CACNA1I: variants seen among roughly 807,000 people sequenced by gnomAD.
The protein encoded by CACNA1I is voltage-dependent T-type calcium channel subunit alpha-1I.
CACNA1I carries 74 observed loss-of-function variants against 201.6 expected under a neutral mutation model. The ratio of observed to expected loss-of-function variants is 0.37; its 90% CI spans 0.30 to 0.45. CACNA1I has a LOEUF of 0.45. Ranked by LOEUF, CACNA1I falls within the 20% of genes least tolerant of loss-of-function variation. The probability of loss-of-function intolerance (pLI) is 1.00; values close to 1 mark genes in which losing one functional copy is unlikely to be tolerated. For synonymous variants in CACNA1I, 1,431 were observed against 1,345.2 expected, an observed-to-expected ratio of 1.06 and a Z score of -1.40; for missense variants, 2,346 against 3,138.1, an observed-to-expected ratio of 0.75 and a Z score of 6.03.
intron 4 of CACNA1I, among the ~76,000 whole-genome samples, chr22:39,633,953 G>A (rs1384906696): frequency 6.6e-6 from 1 of 152,202 alleles, no homozygotes; most frequent in Non-Finnish European, 1.5e-5. Flanking sequence ...TGGTCAAGGG[G>A]AACAGTGACT....
At chr22:39,615,094 C>A (rs1933493651) in intron 3 of CACNA1I, among the ~76,000 whole-genome samples, 1 of 152,192 alleles carries the variant, frequency 6.6e-6, no homozygotes, top group South Asian at 2.1e-4. Context: ...CTTACCTTCT[C>A]TTTTTGGAAT....
At chr22:39,575,322 C>T (rs890962740) in intron 1 of CACNA1I, among the ~76,000 whole-genome samples, 1 of 152,186 alleles carries the variant, frequency 6.6e-6, no homozygotes, top group African/African-American at 2.4e-5. Flanking sequence ...CTGTCAAACA[C>T]GGGTGGTAAT....
intron 26 of CACNA1I, 141 bp from the exon 27 acceptor site, chr22:39,672,058 G>T (rs1935391297): frequency 1.6e-6 from 1 of 630,168 alleles, no homozygotes; most frequent in East Asian, 2.6e-5. Context: ...AAGATGGAAA[G>T]AATAAAAGCA....
Position 39,646,757 on chromosome 22 carries a change from G to C in CACNA1I, c.1338G>C (p.Leu446=). The C allele has an allele frequency of 6.3e-7, 1 of 1,593,968 alleles. No individual in the cohort carries two copies. Among genetic ancestry groups the C allele is most frequent in the Non-Finnish European group, 8.5e-7 (1 of 1,170,618 alleles). The change falls in exon 8 of 37, where the codon CTG becomes CTC. Residue 446 remains leucine, a synonymous_variant. Coordinates refer to ENST00000402142, the MANE Select transcript of CACNA1I (RefSeq NM_021096.4). The part of the protein sequence containing the change: ...EEIFQYVCHI[L]RKAKRRALGL... ...TCTTCCAGTATGTCTGCCACATCCT[G>C]CGCAAGGCCAAGCGCCGCGCCCTGG...
rs1326462556 is a variant in CACNA1I, at chr22:39,677,516, C to T, written c.4933+97C>T. On this transcript the variant is annotated intron_variant, in intron 30 of 36. Coordinates refer to ENST00000402142, the MANE Select transcript of CACNA1I (RefSeq NM_021096.4). The surrounding 1 kb of genome is among the most constrained non-coding windows in gnomAD (Gnocchi z 4.8). ...AGGCCTGAGACCCCTGAGCCCGTCA[C>T]ATCAGGGTCTTTGTATTGGGGAGAT... 2.4e-6 allele frequency: 2 copies of T among 828,948 alleles called. No individual in the cohort carries two copies. Among genetic ancestry groups the T allele is most frequent in the Non-Finnish European group, 3.7e-6 (2 of 543,626 alleles). The allele number at this position is 828,948 out of a possible 1,614,324, so 51.3% of individuals were successfully genotyped here.
intron 6 of CACNA1I, 86 bp from the exon 7 acceptor site, chr22:39,642,711 G>A (rs1601488306): frequency 2.3e-6 from 2 of 856,164 alleles, no homozygotes; most frequent in East Asian, 5.3e-5. Context: ...CTGGCACACA[G>A]TGGGGCCTCT....
Position 39,665,991 on chromosome 22 carries a change from C to T in CACNA1I, c.4089C>T (p.Phe1363=), listed in dbSNP as rs181490626. 8.2e-5 allele frequency: 133 copies of T among 1,613,752 alleles called. 1 individual carries two copies. In the East Asian group the frequency reaches 2.1e-3, roughly 26 times the overall value. Residue 1363 remains phenylalanine, a synonymous_variant, in exon 23 of 37, where the codon TTC becomes TTT. Coordinates refer to ENST00000402142, the MANE Select transcript of CACNA1I (RefSeq NM_021096.4). The surrounding 1 kb of genome is among the most constrained non-coding windows in gnomAD (Gnocchi z 5.5). ...NYRWVHHKYN[F]DNLGQALMSL... ...GCTGGGTCCATCACAAATACAACTT[C>T]GACAACCTGGGCCAGGTGAGCACCA...
chr22:39,594,561 G>C (rs1228330043), intron 1 of CACNA1I, among the ~76,000 whole-genome samples: 1 of 152,140 alleles, frequency 6.6e-6, no homozygotes, highest in Admixed American at 6.5e-5. Flanking sequence ...AGCAGGGCTG[G>C]GGCCAGGAGG....
In CACNA1I at chr22:39,686,149, CG is replaced by C; in HGVS notation, c.6417del (p.Pro2141ArgfsTer131). 1 of 1,275,252 alleles carries C rather than the reference CG, an allele frequency of 7.8e-7. No homozygotes were observed. The highest frequency in any genetic ancestry group is 2.6e-5 in the South Asian group (1 of 38,796). 79.0% of individuals were successfully genotyped at this position (1,275,252 alleles called of 1,614,324 possible). On this transcript the variant is annotated frameshift_variant, in exon 37 of 37. Coordinates refer to ENST00000402142, the MANE Select transcript of CACNA1I (RefSeq NM_021096.4). LOFTEE classifies it low-confidence loss of function (END_TRUNC). ...SLSLTSLFCP[P>X]PPPPAPGLTP... ...TCGCTCACCTCCCTCTTCTGCCCGC[CG>C]CCCCCGCCGCCAGCCCCCGGCCTCA...
At chr22:39,634,853 G>T in intron 5 of CACNA1I, 129 bp downstream of exon 5, 1 of 832,626 alleles carries the variant, frequency 1.2e-6, no homozygotes, top group Non-Finnish European at 1.8e-6. Flanking sequence ...CAGGTAGGAG[G>T]GGAAAGGGAA....
chr22:39,630,988 G>T (rs1236095620), intron 4 of CACNA1I, among the ~76,000 whole-genome samples: 1 of 152,288 alleles, frequency 6.6e-6, no homozygotes, highest in East Asian at 1.9e-4. Context: ...ATGGAGGGAG[G>T]TGGGGCCAGA....
intron 29 of CACNA1I, 32 bp downstream of exon 29, chr22:39,674,065 G>C (rs777653269): frequency 6.2e-7 from 1 of 1,604,274 alleles, no homozygotes; most frequent in Non-Finnish European, 8.5e-7. Context: ...AGCCCTCCTA[G>C]GGGTCATTGG....
chr22:39,585,386 C>CTTTTTT (rs67733131), intron 1 of CACNA1I, among the ~76,000 whole-genome samples: 3 of 90,452 alleles, frequency 3.3e-5, no homozygotes, highest in Admixed American at 1.2e-4. Context: ...TTCTTTCTTT[C>CTTTTTT]TTTTTTTTTT....
Position 39,658,240 on chromosome 22 carries a change from T to C in CACNA1I, c.2081T>C (p.Phe694Ser). The change falls in exon 11 of 37, where the codon TTT (phenylalanine) becomes TCT (serine). Residue 694 changes from phenylalanine to serine, a missense_variant. By Grantham distance (155) the Phe-to-Ser change is radical. Coordinates refer to ENST00000402142, the MANE Select transcript of CACNA1I (RefSeq NM_021096.4). ...ALEMILKLAA[F>S]GLFDYLRNPY... ...GAGATGATCCTGAAGCTGGCTGCAT[T>C]TGGGCTCTTCGACTACCTGCGTAAC... is the stretch of plus-strand genomic sequence containing the variant. The C allele has an allele frequency of 1.2e-6, 2 of 1,613,960 alleles. No individual in the cohort carries two copies. The highest frequency in any genetic ancestry group is 8.5e-7 in the Non-Finnish European group (1 of 1,179,872).
intron 32 of CACNA1I, 100 bp from the exon 33 acceptor site, chr22:39,679,622 C>A: frequency 8.0e-7 from 1 of 1,250,466 alleles, no homozygotes; most frequent in Non-Finnish European, 1.1e-6. Flanking sequence ...GCCATGGGCG[C>A]AGAGAACCAA....
intron 27 of CACNA1I, 48 bp from the exon 28 acceptor site, chr22:39,672,901 G>C: frequency 6.3e-7 from 1 of 1,576,824 alleles, no homozygotes; most frequent in Non-Finnish European, 8.6e-7. Context: ...CTGAACCAGA[G>C]GGATCCTCCT....
rs1437419136 is a variant in CACNA1I at position 39,600,521 on chromosome 22, T to A, written c.350T>A (p.Val117Asp). Residue 117 changes from valine (V) to aspartate (D), a missense_variant and splice_region_variant, in exon 3 of 37, where the codon GTC (valine) becomes GAC (aspartate). Physicochemically the swap from Val to Asp is radical, Grantham distance 152 (BLOSUM62 -3). Around this residue, in one of 13 missense-constraint regions of CACNA1I, gnomAD observed 130 missense variants for 160.7 expected, o/e 0.81. Coordinates refer to ENST00000402142, the MANE Select transcript of CACNA1I (RefSeq NM_021096.4). ...CLSDRCKILQVFDDFIFIFFA... is the reference protein window; with the variant it reads ...CLSDRCKILQDFDDFIFIFFA... The stretch of plus-strand genomic sequence containing the variant: ...GCTTCCCTCCTCCTGCCCCTGCAGG[T>A]CTTTGATGACTTCATCTTTATCTTC... The A allele has an allele frequency of 6.2e-7, 1 of 1,611,332 alleles. No individual in the cohort carries two copies. The highest frequency in any genetic ancestry group is 8.5e-7 in the Non-Finnish European group (1 of 1,178,820).
At chr22:39,598,297 C>CCCCCCCAA in intron 2 of CACNA1I, 35 bp downstream of exon 2, 1 of 1,288,088 alleles carries the variant, frequency 7.8e-7, no homozygotes, top group Non-Finnish European at 1.1e-6. Flanking sequence ...CCGCCCTGCC[C>CCCCCCCAA]TCATCCTCCA....
intron 27 of CACNA1I, among the ~76,000 whole-genome samples, 182 bp downstream of exon 27, chr22:39,672,490 T>C (rs1400776355): frequency 2.6e-5 from 4 of 152,208 alleles, no homozygotes; most frequent in Non-Finnish European, 5.9e-5. Flanking sequence ...TGGTATCATC[T>C]GATGGGCGTA....
Sources: gnomAD v4.1 joint callset for allele counts (sites outside exome capture counted in the v4.1 genomes callset) on GRCh38, gnomAD v4.1.1 for gene constraint, gnomAD v4.1.1 regional missense constraint, Gnocchi (gnomAD v3.1) non-coding constraint, MANE v1.5 for transcripts, NCBI Gene and HGNC (gene_info 2026-07-23, HGNC 2026-07-21) for gene names.